Variants in SRCAP observed in about 807,000 individuals in gnomAD.
SRCAP encodes Snf2 related CREBBP activator protein.
SRCAP carries 46 observed loss-of-function variants against 263.1 expected under a neutral mutation model. The ratio of observed to expected loss-of-function variants is 0.17; its 90% confidence interval spans 0.14 to 0.22. The LOEUF is 0.22. SRCAP is among the 10% of genes least tolerant of loss of function. The pLI, the probability that SRCAP is intolerant of heterozygous loss-of-function variation, is 1.00. For synonymous variants in SRCAP, 1,813 were observed against 1,662.1 expected, an observed-to-expected ratio of 1.09 and a Z score of -2.21; for missense variants, 3,695 against 4,181.9, an observed-to-expected ratio of 0.88 and a Z score of 3.21.
chr16:30,737,974 G>C lies in SRCAP; in HGVS notation c.7934G>C (p.Cys2645Ser). 6.2e-7 allele frequency: 1 copy of C among 1,614,138 alleles called. No individual in the cohort carries two copies. Among genetic ancestry groups the C allele is most frequent in the South Asian group, 1.1e-5 (1 of 91,084 alleles). ...CCTGAAGGTGAGGAGTTGCCCCTGT[G>C]TGTGAGTGAGAGCAATGGCCTGGAG... Reference protein sequence around the residue: ...VLPEGEELPLCVSESNGLELP... With the variant: ...VLPEGEELPLSVSESNGLELP... Residue 2645 changes from cysteine (C) to serine (S), a missense_variant, in exon 34 of 34, where the codon TGT becomes TCT. Physicochemically the swap from Cys to Ser is moderately radical, Grantham distance 112 (BLOSUM62 -1). Transcript: ENST00000262518.
At chr16:30,722,885 C>G in intron 23 of SRCAP, 78 bp from the exon 24 acceptor site, 1 of 1,551,942 alleles carries the variant, frequency 6.4e-7, no homozygotes, top group Non-Finnish European at 8.7e-7. Context: ...GCCACCTTCT[C>G]CTGCCCCTGG....
chr16:30,713,144 T>C, intron 14 of SRCAP, 64 bp from the exon 15 acceptor site: 2 of 1,526,356 alleles, frequency 1.3e-6, no homozygotes, highest in Non-Finnish European at 9.0e-7. Flanking sequence ...GAGTTTAGCA[T>C]GTCTTCCCTT....
rs550454409 is a variant in SRCAP, at chr16:30,720,887, A to T, written c.3162A>T (p.Ser1054=). 1 of 1,613,914 alleles carries T rather than the reference A, an allele frequency of 6.2e-7. No individual in the cohort carries two copies. The highest frequency in any genetic ancestry group is 1.3e-5 in the African/African-American group (1 of 74,960). The change falls in exon 20 of 34, where the codon TCA becomes TCT. Residue 1054 remains serine (S), a synonymous_variant. Transcript: ENST00000262518. ...CAGCATCACTGATGGTTTCAGCCTCACCTGCCGGGCCCCCGCTTATTCCTG... is the reference window on the plus strand; with the variant it reads ...CAGCATCACTGATGGTTTCAGCCTCTCCTGCCGGGCCCCCGCTTATTCCTG... ...VLPASLMVSA[S]PAGPPLIPAS...
In SRCAP at chr16:30,739,897, C is replaced by G. The variant is rs1360492686; in HGVS notation, c.*164C>G. ...AAGTAGGGGGTAGGCAACTGGTTGT[C>G]ATGGAAATGGGGATCATCACAGTCC... On this transcript the variant is annotated 3_prime_UTR_variant, in exon 34 of 34. Coordinates refer to ENST00000262518, the MANE Select transcript of SRCAP (RefSeq NM_006662.3). 4 of 1,159,988 alleles carry G rather than the reference C, an allele frequency of 3.4e-6. No homozygotes were observed. The highest frequency in any genetic ancestry group is 4.6e-6 in the Non-Finnish European group (4 of 868,010). The allele number at this position is 1,159,988 out of a possible 1,614,324, so 71.9% of individuals were successfully genotyped here.
chr16:30,713,394 G>C lies in SRCAP; in HGVS notation c.2300+17G>C, dbSNP rs938724177. 16 of 1,613,894 alleles carry C rather than the reference G, an allele frequency of 9.9e-6. No homozygotes were observed. Among genetic ancestry groups the C allele is most frequent in the Non-Finnish European group, 1.4e-5 (16 of 1,179,814 alleles). Reference sequence around the variant, plus strand: ...CTTCAACAGGTGGAGATGGAGATGGGGATTCATGGGAGGGTTGACTTGGCT... The same window carrying C: ...CTTCAACAGGTGGAGATGGAGATGGCGATTCATGGGAGGGTTGACTTGGCT... On this transcript the variant is annotated intron_variant, in intron 15 of 33. Transcript: ENST00000262518.
chr16:30,724,007 C>T lies in SRCAP; in HGVS notation c.4583C>T (p.Ala1528Val), dbSNP rs1312619521. 1 of 1,614,060 alleles carries T rather than the reference C, an allele frequency of 6.2e-7. No homozygotes were observed. Among genetic ancestry groups the T allele is most frequent in the Admixed American group, 1.7e-5 (1 of 60,022 alleles). Residue 1528 changes from alanine to valine, a missense_variant, in exon 25 of 34, where the codon GCT becomes GTT. Transcript: ENST00000262518. ...ACACCTGGTCACCCTCTGTTGTTGG[C>T]TCCCACCTCTTCACATGTTCCAGGG... ...SQTPGHPLLL[A>V]PTSSHVPGLN...
At chr16:30,728,479 C>T (rs1322271457) in intron 25 of SRCAP, among the ~76,000 whole-genome samples, 5 of 152,158 alleles carry the variant, frequency 3.3e-5, no homozygotes, top group East Asian at 1.9e-4. Context: ...CTCGGATGTC[C>T]GGTTAGCTGT....
At chr16:30,731,493 T>C (rs2151297434) in intron 27 of SRCAP, among the ~76,000 whole-genome samples, 1 of 152,354 alleles carries the variant, frequency 6.6e-6, no homozygotes. Flanking sequence ...TAATATGTGT[T>C]CAATAAATGT....
At position 30,712,797 on chromosome 16, in the gene SRCAP, G is replaced by A; in HGVS notation, c.2112G>A (p.Glu704=). 3 of 1,614,168 alleles carry A rather than the reference G, an allele frequency of 1.9e-6. No homozygotes were observed. The highest frequency in any genetic ancestry group is 2.5e-6 in the Non-Finnish European group (3 of 1,180,014). The stretch of plus-strand genomic sequence containing the variant: ...TCACTTACTATGGAGCCCAGAAAGA[G>A]AGGAAGCTCAAGCGGCAGGTTCGAT... ...KILTYYGAQK[E]RKLKRQGWTK... is the part of the protein sequence containing the mutation. The change falls in exon 14 of 34, where the codon GAG becomes GAA. Residue 704 remains glutamate (E), a synonymous_variant. Coordinates refer to ENST00000262518, the MANE Select transcript of SRCAP (RefSeq NM_006662.3).
At chr16:30,717,390 C>A (rs1009591735) in intron 18 of SRCAP, among the ~76,000 whole-genome samples, 1 of 152,034 alleles carries the variant, frequency 6.6e-6, no homozygotes, top group Non-Finnish European at 1.5e-5. Context: ...TTGTCACATT[C>A]CATAAGTTGC....
chr16:30,739,245 C>G lies in SRCAP; in HGVS notation c.9205C>G (p.Leu3069Val). 1 of 1,613,804 alleles carries G rather than the reference C, an allele frequency of 6.2e-7. No homozygotes were observed. Among genetic ancestry groups the G allele is most frequent in the Non-Finnish European group, 8.5e-7 (1 of 1,180,034 alleles). ...GSRPLTRLARLRLEAEGMRGR... is the reference protein window; with the variant it reads ...GSRPLTRLARVRLEAEGMRGR... ...CCGCCCCCTCACCCGCCTGGCCCGC[C>G]TTCGGCTTGAAGCAGAAGGAATGCG... Residue 3069 changes from leucine to valine, a missense_variant, in exon 34 of 34, where the codon CTT becomes GTT. Transcript: ENST00000262518.
At position 30,723,507 on chromosome 16, in the gene SRCAP, G is replaced by A. The variant is rs1317305910; in HGVS notation, c.4160-77G>A. 5 of 1,530,712 alleles carry A rather than the reference G, an allele frequency of 3.3e-6. No individual in the cohort carries two copies. The African/African-American group carries it at 4.1e-5, about 13-fold the overall frequency. The allele number at this position is 1,530,712 out of a possible 1,614,324, so 94.8% of individuals were successfully genotyped here. On this transcript the variant is annotated intron_variant, in intron 24 of 33. Coordinates refer to ENST00000262518, the MANE Select transcript of SRCAP (RefSeq NM_006662.3). The stretch of plus-strand genomic sequence containing the variant: ...CTTCTGGGAAATGGGAAGCTTGGGG[G>A]TATGGGAAAGATGGGACAGGGAGTA...
chr16:30,729,091 GC>G lies in SRCAP; in HGVS notation c.5788del (p.Gln1930AsnfsTer37). 1 of 1,614,174 alleles carries G rather than the reference GC, an allele frequency of 6.2e-7. No homozygotes were observed. Among genetic ancestry groups the G allele is most frequent in the Non-Finnish European group, 8.5e-7 (1 of 1,180,034 alleles). Reference protein sequence around the residue: ...GTEVLDFCTLPQPVASPIGPR... With the variant: ...GTEVLDFCTLXQPVASPIGPR... ...CTGAAGTCCTGGATTTCTGTACCCT[GC>G]CCCAACCTGTTGCCAGCCCCATCGG... On this transcript the variant is annotated frameshift_variant, in exon 26 of 34. Transcript: ENST00000262518. LOFTEE classifies it high-confidence loss of function.
chr16:30,712,926 T>A (rs1337136266), intron 14 of SRCAP, 111 bp downstream of exon 14: 4 of 1,352,904 alleles, frequency 3.0e-6, no homozygotes, highest in South Asian at 1.6e-5. Context: ...AAAAATTTTT[T>A]AATTTTTTGT....
chr16:30,714,904 A>C (rs555392294), intron 16 of SRCAP, among the ~76,000 whole-genome samples: 1 of 151,610 alleles, frequency 6.6e-6, no homozygotes, highest in African/African-American at 2.4e-5. Flanking sequence ...GATTTCTTCA[A>C]CTTCATATTG....
intron 31 of SRCAP, among the ~76,000 whole-genome samples, chr16:30,735,305 C>T (rs1055724076): frequency 6.6e-6 from 1 of 150,796 alleles, no homozygotes; most frequent in Non-Finnish European, 1.5e-5. Context: ...CGCCACTACG[C>T]CCGGCTAATT....
rs1399398123 is a variant in SRCAP at position 30,738,204 on chromosome 16, C to T, written c.8164C>T (p.Arg2722Cys). ...EGPSPARPPR[R>C]RTSADVEIRG... ...TCCTTCACCTGCCCGACCTCCTCGG[C>T]GTCGCACCAGTGCTGATGTGGAAAT... The change falls in exon 34 of 34, where the codon CGT (arginine) becomes TGT (cysteine). Residue 2722 changes from arginine to cysteine, a missense_variant. Transcript: ENST00000262518. 5.6e-6 allele frequency: 9 copies of T among 1,614,066 alleles called. No homozygotes were observed. Among genetic ancestry groups the T allele is most frequent in the Admixed American group, 5.0e-5 (3 of 60,012 alleles).
rs1196832371 is a variant in SRCAP, at chr16:30,724,246, C to T, written c.4822C>T (p.Pro1608Ser). ...TCCTTCTCCAGCTCCTCCTCTGGCT[C>T]CTCTTCCGGTCCTGGCACCATCGCC... ...LAPSPAPPLAPLPVLAPSPGA... is the reference protein window; with the variant it reads ...LAPSPAPPLASLPVLAPSPGA... The change falls in exon 25 of 34, where the codon CCT (proline) becomes TCT (serine). Residue 1608 changes from proline to serine, a missense_variant. By Grantham distance (74) the Pro-to-Ser change is moderately conservative. Coordinates refer to ENST00000262518, the MANE Select transcript of SRCAP (RefSeq NM_006662.3). 4 of 1,613,998 alleles carry T rather than the reference C, an allele frequency of 2.5e-6. No individual in the cohort carries two copies. Among genetic ancestry groups the T allele is most frequent in the African/African-American group, 1.3e-5 (1 of 74,892 alleles).
At position 30,724,915 on chromosome 16, in the gene SRCAP, G is replaced by A. The variant is rs372712109; in HGVS notation, c.5491G>A (p.Ala1831Thr). 3.5e-5 allele frequency: 56 copies of A among 1,614,172 alleles called. No homozygotes were observed. Among genetic ancestry groups the A allele is most frequent in the South Asian group, 1.3e-4 (12 of 91,082 alleles). Residue 1831 changes from alanine to threonine, a missense_variant, in exon 25 of 34, where the codon GCT (alanine) becomes ACT (threonine). Coordinates refer to ENST00000262518, the MANE Select transcript of SRCAP (RefSeq NM_006662.3). ...CCTTGTGGTTTCGGCATCTGGTGCCGCTCCCTTGCCTGTCACCATGGTATC... is the reference window on the plus strand; with the variant it reads ...CCTTGTGGTTTCGGCATCTGGTGCCACTCCCTTGCCTGTCACCATGGTATC... Reference protein sequence around the residue: ...SSLVVSASGAAPLPVTMVSRL... With the variant: ...SSLVVSASGATPLPVTMVSRL...
Sources: allele counts gnomAD v4.1 joint callset (sites outside exome capture counted in the v4.1 genomes callset), GRCh38; gene constraint gnomAD v4.1.1; transcripts MANE v1.5; gene names NCBI Gene and HGNC (gene_info 2026-07-23, HGNC 2026-07-21).